The following BICC1 variants were observed in gnomAD, a reference collection of about 807,000 sequenced individuals.
BICC1 encodes the protein protein bicaudal C homolog 1.
BICC1 carries 43 observed loss-of-function variants against 111.0 expected under a neutral mutation model. That is an observed-to-expected ratio of 0.39 (90% CI 0.30 to 0.50). The LOEUF (loss-of-function observed/expected upper bound fraction) is 0.50, where lower values mean the gene tolerates loss of function less well. Ranked by LOEUF, BICC1 falls within the 20% of genes least tolerant of loss-of-function variation. The pLI is 0.88. For missense variants in BICC1, 1,091 were observed against 1,203.2 expected, an observed-to-expected ratio of 0.91 and a Z score of 1.38; for synonymous variants, 467 against 434.4, an observed-to-expected ratio of 1.07 and a Z score of -0.93.
intron 2 of BICC1, among the ~76,000 whole-genome samples, chr10:58,688,577 A>G (rs1564555054): frequency 6.6e-6 from 1 of 152,180 alleles, no homozygotes; most frequent in South Asian, 2.1e-4. Flanking sequence ...AGACACATGC[A>G]CACGTATGTT....
chr10:58,798,142 C>T (rs1269044361), intron 10 of BICC1, among the ~76,000 whole-genome samples: 2 of 152,080 alleles, frequency 1.3e-5, no homozygotes, highest in African/African-American at 4.8e-5. Context: ...GTTCAATGAC[C>T]CTAACTGCCA....
chr10:58,743,456 A>G lies in BICC1; in HGVS notation c.307+41313A>G, dbSNP rs561147766. 3.6e-5 allele frequency among the ~76,000 whole-genome samples: 4 copies of G among 109,782 alleles called. No individual in the cohort carries two copies. The East Asian group carries it at 8.8e-4, about 24-fold the overall frequency. 72.0% of individuals were successfully genotyped at this position (109,782 alleles called of 152,430 possible). ...TCTAAATTTTTATTTCTCTACCACC[A>G]TTTGCTGGGATTTTTTTTTTTTTTT... is the stretch of plus-strand genomic sequence containing the variant. On this transcript the variant is annotated intron_variant, in intron 3 of 20. Transcript: ENST00000373886.
intron 3 of BICC1, among the ~76,000 whole-genome samples, chr10:58,711,512 CAT>C (rs1295434175): frequency 9.9e-5 from 15 of 152,210 alleles, no homozygotes; most frequent in Non-Finnish European, 1.9e-4. Context: ...CACTCACAGA[CAT>C]ACAGCGCACA....
At chr10:58,563,458 A>G (rs1186510391) in intron 1 of BICC1, among the ~76,000 whole-genome samples, 1 of 152,080 alleles carries the variant, frequency 6.6e-6, no homozygotes, top group Non-Finnish European at 1.5e-5. Flanking sequence ...CACAATGGAG[A>G]GTTCCTCTTG....
intron 2 of BICC1, among the ~76,000 whole-genome samples, chr10:58,654,601 G>A (rs1838569208): frequency 1.1e-5 from 1 of 87,820 alleles, no homozygotes; most frequent in Non-Finnish European, 2.4e-5. Flanking sequence ...CAGATGAGTA[G>A]GTTGCGACAA....
At chr10:58,702,632 C>T (rs2132452509) in intron 3 of BICC1, among the ~76,000 whole-genome samples, 1 of 152,204 alleles carries the variant, frequency 6.6e-6, no homozygotes, top group African/African-American at 2.4e-5. Context: ...GAGTGTTTCC[C>T]TTGCCTGGTT....
intron 8 of BICC1, among the ~76,000 whole-genome samples, chr10:58,791,696 C>T (rs1221444034): frequency 2.0e-5 from 3 of 152,008 alleles, no homozygotes; most frequent in South Asian, 2.1e-4. Flanking sequence ...GCCGAGATCG[C>T]GCCACTGCAC....
At chr10:58,545,750 G>A (rs1440181698) in intron 1 of BICC1, among the ~76,000 whole-genome samples, 1 of 152,132 alleles carries the variant, frequency 6.6e-6, no homozygotes, top group Non-Finnish European at 1.5e-5. Flanking sequence ...GAAGGGTGCA[G>A]TATTCCTTGG....
chr10:58,763,588 A>G (rs1290108482), intron 3 of BICC1, among the ~76,000 whole-genome samples: 1 of 152,196 alleles, frequency 6.6e-6, no homozygotes, highest in East Asian at 1.9e-4. Flanking sequence ...AGTTCTGAGT[A>G]CAGACTAGTG....
At chr10:58,573,273 C>T (rs1345047810) in intron 1 of BICC1, among the ~76,000 whole-genome samples, 1 of 152,124 alleles carries the variant, frequency 6.6e-6, no homozygotes, top group Non-Finnish European at 1.5e-5. Context: ...CCTCTAAATA[C>T]TTTTCTTACA....
At chr10:58,658,025 G>GTGT (rs58171520) in intron 2 of BICC1, among the ~76,000 whole-genome samples, 150,203 of 152,258 alleles carry the variant, frequency 0.99, 74,116 homozygotes, top group East Asian at 1. Flanking sequence ...TCCACTAGTG[G>GTGT]TAACTGTGAT....
At chr10:58,539,536 T>TA (rs34417421) in intron 1 of BICC1, among the ~76,000 whole-genome samples, 69,214 of 150,726 alleles carry the variant, frequency 0.46, 16,929 homozygotes, top group Admixed American at 0.62. Context: ...GCTACTGAAA[T>TA]AAAAAAAAAT....
chr10:58,545,481 A>T (rs1843112963), intron 1 of BICC1, among the ~76,000 whole-genome samples: 2 of 152,128 alleles, frequency 1.3e-5, no homozygotes, highest in African/African-American at 4.8e-5. Context: ...GAGTTTGTGT[A>T]ATTTGTAGTG....
intron 1 of BICC1, among the ~76,000 whole-genome samples, chr10:58,559,525 A>T (rs1024563932): frequency 6.6e-6 from 1 of 152,086 alleles, no homozygotes; most frequent in Non-Finnish European, 1.5e-5. Context: ...TGTATATAAG[A>T]TTATATTGTC....
intron 1 of BICC1, among the ~76,000 whole-genome samples, chr10:58,611,731 C>T (rs974333254): frequency 6.6e-6 from 1 of 151,918 alleles, no homozygotes; most frequent in Non-Finnish European, 1.5e-5. Flanking sequence ...CTCAGGTGAT[C>T]CTCCCACCTC....
intron 1 of BICC1, among the ~76,000 whole-genome samples, chr10:58,578,130 G>A (rs372382371): frequency 6.6e-5 from 10 of 152,242 alleles, no homozygotes; most frequent in African/African-American, 2.4e-4. Flanking sequence ...TGGGGGTAAA[G>A]ACAATTAACA....
chr10:58,770,284 T>A (rs1000966494), intron 3 of BICC1, among the ~76,000 whole-genome samples: 1 of 152,096 alleles, frequency 6.6e-6, no homozygotes, highest in African/African-American at 2.4e-5. Context: ...TAGTCTGACA[T>A]TTTTTCTTTT....
chr10:58,572,339 A>G (rs1468635027), intron 1 of BICC1, among the ~76,000 whole-genome samples: 1 of 152,014 alleles, frequency 6.6e-6, no homozygotes, highest in African/African-American at 2.4e-5. Flanking sequence ...ATTAGATCCC[A>G]TTTGTCAATT....
At chr10:58,828,494 CTGTT>C (rs1190090860) in intron 20 of BICC1, among the ~76,000 whole-genome samples, 1 of 152,188 alleles carries the variant, frequency 6.6e-6, no homozygotes. Flanking sequence ...ATAATAGAAA[CTGTT>C]TGCTGTCAGG....
Sources: allele counts gnomAD v4.1 joint callset (sites outside exome capture counted in the v4.1 genomes callset), GRCh38; gene constraint gnomAD v4.1.1; transcripts MANE v1.5; gene names NCBI Gene and HGNC (gene_info 2026-07-23, HGNC 2026-07-21).